The following ENTREP2 variants were observed in gnomAD, a reference collection of about 807,000 sequenced individuals.
ENTREP2 encodes the protein endosomal transmembrane epsin interactor 2.
chr15:29,136,297 A>C, the ENTREP2 span: 1 of 1,416,552 alleles, frequency 7.1e-7, no homozygotes, highest in Non-Finnish European at 9.2e-7. Context: ...GTGCCTTCCG[A>C]GGGCAGGCCG....
At chr15:29,454,187 C>G in the ENTREP2 span, among the ~76,000 whole-genome samples, 4 of 152,198 alleles carry the variant, frequency 2.6e-5, no homozygotes, top group African/African-American at 9.6e-5. Flanking sequence ...TTGCATTTCT[C>G]TGATTACTTG....
chr15:29,542,493 A>G, the ENTREP2 span, among the ~76,000 whole-genome samples: 1 of 148,458 alleles, frequency 6.7e-6, no homozygotes, highest in South Asian at 2.1e-4. Context: ...TTTAGTAGAG[A>G]CGGGGTTTCA....
chr15:29,591,832 G>GAGGAGAAGA, the ENTREP2 span, among the ~76,000 whole-genome samples: 115 of 140,198 alleles, frequency 8.2e-4, no homozygotes, highest in Non-Finnish European at 1.5e-3. Context: ...CATCTCAAAA[G>GAGGAGAAGA]AGAAGAAGAA....
At chr15:29,500,144 CAAT>C in the ENTREP2 span, among the ~76,000 whole-genome samples, 1 of 151,928 alleles carries the variant, frequency 6.6e-6, no homozygotes, top group Non-Finnish European at 1.5e-5. Context: ...GGGAATTCAA[CAAT>C]AATAGTTGGA....
chr15:29,399,572 A>G, the ENTREP2 span, among the ~76,000 whole-genome samples: 1 of 152,250 alleles, frequency 6.6e-6, no homozygotes, highest in South Asian at 2.1e-4. Context: ...GTTGAAAATT[A>G]TAATACTATA....
At chr15:29,246,973 G>GCGCA in the ENTREP2 span, among the ~76,000 whole-genome samples, 814 of 137,096 alleles carry the variant, frequency 5.9e-3, 6 homozygotes, top group Admixed American at 0.038. Flanking sequence ...GACTGGAAAG[G>GCGCA]CACACACACA....
chr15:29,438,864 G>T, the ENTREP2 span, among the ~76,000 whole-genome samples: 3,938 of 152,244 alleles, frequency 0.026, 188 homozygotes, highest in African/African-American at 0.09. Flanking sequence ...AGGTTAAACA[G>T]AAACACACAT....
the ENTREP2 span, among the ~76,000 whole-genome samples, chr15:29,544,067 A>C: frequency 6.6e-6 from 1 of 152,078 alleles, no homozygotes; most frequent in South Asian, 2.1e-4. Context: ...TATTAAAAGT[A>C]TTTTTGCTCT....
the ENTREP2 span, among the ~76,000 whole-genome samples, chr15:29,493,125 CTTTTTTTTTT>C: frequency 1.2e-5 from 1 of 84,774 alleles, no homozygotes; most frequent in African/African-American, 5.3e-5. Flanking sequence ...CCTGACAACC[CTTTTTTTTTT>C]TTTTTTTTTT....
At chr15:29,455,358 A>C in the ENTREP2 span, among the ~76,000 whole-genome samples, 3 of 152,134 alleles carry the variant, frequency 2.0e-5, no homozygotes, top group East Asian at 1.9e-4. Context: ...CAAATCACCC[A>C]CTGAGTAAGT....
At chr15:29,198,076 C>T in the ENTREP2 span, among the ~76,000 whole-genome samples, 4 of 152,136 alleles carry the variant, frequency 2.6e-5, no homozygotes, top group South Asian at 2.1e-4. Context: ...AAGAAATGTG[C>T]TGATATTCAC....
At chr15:29,304,365 A>G in the ENTREP2 span, among the ~76,000 whole-genome samples, 2 of 152,234 alleles carry the variant, frequency 1.3e-5, no homozygotes, top group Admixed American at 1.3e-4. Flanking sequence ...CATGGCACAT[A>G]CTCTAAAACT....
chr15:29,591,511 C>A, the ENTREP2 span, among the ~76,000 whole-genome samples: 2 of 152,096 alleles, frequency 1.3e-5, no homozygotes, highest in African/African-American at 2.4e-5. Context: ...GTGAATGTGT[C>A]TTTATTTTGA....
the ENTREP2 span, among the ~76,000 whole-genome samples, chr15:29,440,588 A>G: frequency 5.3e-5 from 8 of 152,250 alleles, no homozygotes; most frequent in East Asian, 5.8e-4. Context: ...CCAGTTTCCA[A>G]CGTTAGCTCA....
chr15:29,573,794 A>T, the ENTREP2 span, among the ~76,000 whole-genome samples: 1 of 151,890 alleles, frequency 6.6e-6, no homozygotes, highest in African/African-American at 2.4e-5. Flanking sequence ...GACTGACTCC[A>T]TTTTAATTTG....
chr15:29,574,507 T>C, the ENTREP2 span, among the ~76,000 whole-genome samples: 18 of 152,162 alleles, frequency 1.2e-4, no homozygotes, highest in African/African-American at 4.1e-4. Flanking sequence ...TTGGCCAGGA[T>C]GGTCTAGATC....
At chr15:29,577,313 G>GGTTGTGTGTGT in the ENTREP2 span, among the ~76,000 whole-genome samples, 1 of 139,802 alleles carries the variant, frequency 7.2e-6, no homozygotes, top group Non-Finnish European at 1.5e-5. Context: ...GACTCAAAGA[G>GGTTGTGTGTGT]GTGTGTGTGT....
chr15:29,425,199 G>GGT, the ENTREP2 span, among the ~76,000 whole-genome samples: 3,864 of 133,164 alleles, frequency 0.029, 184 homozygotes, highest in African/African-American at 0.1. Flanking sequence ...CAGGTTTTTT[G>GGT]TTTTTTTTTT....
chr15:29,574,265 C>G, the ENTREP2 span, among the ~76,000 whole-genome samples: 1 of 151,990 alleles, frequency 6.6e-6, no homozygotes, highest in African/African-American at 2.4e-5. Flanking sequence ...GACTAATAGA[C>G]AAAACCATTG....
Sources: gnomAD v4.1 joint callset for allele counts (sites outside exome capture counted in the v4.1 genomes callset) on GRCh38, gnomAD v4.1.1 for gene constraint, MANE v1.5 for transcripts, NCBI Gene and HGNC (gene_info 2026-07-23, HGNC 2026-07-21) for gene names.